MALRD1: variants seen among roughly 807,000 people sequenced by gnomAD.
MALRD1 encodes the protein MAM and LDL receptor class A domain containing 1, also known as MAM and LDL-receptor class A domain-containing protein 1.
MALRD1 carries 247 observed loss-of-function variants against 242.1 expected under a neutral mutation model. The observed-to-expected ratio is 1.02, with a 90% CI of 0.92 to 1.13. The LOEUF (loss-of-function observed/expected upper bound fraction) is 1.13. MALRD1 is among the 50% of genes most tolerant of loss of function. The pLI is 0.00. For synonymous variants in MALRD1, 995 were observed against 866.6 expected (o/e 1.15, Z -2.60); for missense variants, 2,989 against 2,533.1 (o/e 1.18, Z -3.86).
rs759213931 is a variant in MALRD1 at position 19,504,664 on chromosome 10, ATTTTTTTTTTTTTTTT to A, written c.5320+6032_5320+6047del. 4.0e-4 allele frequency among the ~76,000 whole-genome samples: 39 copies of A among 97,590 alleles called. No individual in the cohort carries two copies. In the East Asian group the frequency reaches 6.3e-3, roughly 16 times the overall value. 64.0% of individuals were successfully genotyped at this position (97,590 alleles called of 152,430 possible). A position where few individuals can be genotyped will look rare whatever the true frequency, so the allele number is the denominator to read the frequency against. On this transcript the variant is annotated intron_variant, in intron 31 of 39. Transcript: ENST00000454679. ...ACATATAATGACTATATTGTAACACATTTTTTTTTTTTTTTTTTTTTTTTTTTTTGAGACGGAGTCT... is the reference window on the plus strand; with the variant it reads ...ACATATAATGACTATATTGTAACACATTTTTTTTTTTTTGAGACGGAGTCT...
At position 19,088,212 on chromosome 10, in the gene MALRD1, G is replaced by T. The variant is rs1282628451; in HGVS notation, c.597+27G>T. On this transcript the variant is annotated intron_variant, in intron 4 of 39. Transcript: ENST00000454679. ...TATGTGTGTTCTATTTTCTAACTATGGCCTTGAAGAAAAATAAGATACAGA... is the reference window on the plus strand; with the variant it reads ...TATGTGTGTTCTATTTTCTAACTATTGCCTTGAAGAAAAATAAGATACAGA... 4.1e-6 allele frequency: 5 copies of T among 1,231,780 alleles called. No individual in the cohort carries two copies. In the African/African-American group the frequency reaches 7.8e-5, roughly 19 times the overall value. The allele number at this position is 1,231,780 out of a possible 1,614,324, so 76.3% of individuals were successfully genotyped here.
intron 26 of MALRD1, among the ~76,000 whole-genome samples, chr10:19,383,017 A>G (rs554947952): frequency 6.8e-4 from 103 of 152,310 alleles, no homozygotes; most frequent in Middle Eastern, 3.4e-3. Flanking sequence ...TACAGATACC[A>G]TGGACATTAA....
chr10:19,734,243 T>A lies in MALRD1; in HGVS notation c.*6T>A. The A allele has an allele frequency of 6.5e-7, 1 of 1,533,040 alleles. No homozygotes were observed. The highest frequency in any genetic ancestry group is 1.4e-5 in the African/African-American group (1 of 73,048). 95.0% of individuals were successfully genotyped at this position (1,533,040 alleles called of 1,614,324 possible). A position where few individuals can be genotyped will look rare whatever the true frequency, so the allele number is the denominator to read the frequency against. On this transcript the variant is annotated 3_prime_UTR_variant, in exon 40 of 40. Transcript: ENST00000454679. Reference sequence around the variant, plus strand: ...TGTCACATCATCTCAAATAGCAGCATCGAGACCAAGTCTGATCCAACATGT... The same window carrying A: ...TGTCACATCATCTCAAATAGCAGCAACGAGACCAAGTCTGATCCAACATGT...
At chr10:19,153,750 G>T (rs376296517) in intron 11 of MALRD1, among the ~76,000 whole-genome samples, 2 of 151,274 alleles carry the variant, frequency 1.3e-5, no homozygotes, top group African/African-American at 4.9e-5. Context: ...TACATATCTC[G>T]CTAGATTTTC....
At position 19,607,868 on chromosome 10, in the gene MALRD1, C is replaced by CTT; in HGVS notation, c.6036_6037insTT (p.Met2013LeufsTer16). ...AGCGCTGTGATGGTTTTGCCGACTG[C>CTT]ATGGATTTCCAGCTTGATGAGTCCA... is the stretch of plus-strand genomic sequence containing the variant. On this transcript the variant is annotated frameshift_variant, in exon 35 of 40. Transcript: ENST00000454679. LOFTEE classifies it high-confidence loss of function. 6.5e-7 allele frequency: 1 copy of CTT among 1,549,736 alleles called. No homozygotes were observed. The highest frequency in any genetic ancestry group is 8.7e-7 in the Non-Finnish European group (1 of 1,146,462).
At chr10:19,695,733 C>A (rs2131833541) in intron 38 of MALRD1, among the ~76,000 whole-genome samples, 1 of 152,062 alleles carries the variant, frequency 6.6e-6, no homozygotes, top group Non-Finnish European at 1.5e-5. Flanking sequence ...ACCATCTTGA[C>A]CAGGTTGGTC....
At chr10:19,435,327 C>T (rs985927656) in intron 28 of MALRD1, among the ~76,000 whole-genome samples, 1 of 151,948 alleles carries the variant, frequency 6.6e-6, no homozygotes, top group Non-Finnish European at 1.5e-5. Context: ...TAGAATAGTA[C>T]ATTTGTCACA....
intron 14 of MALRD1, among the ~76,000 whole-genome samples, chr10:19,188,796 G>A (rs1835847969): frequency 6.6e-6 from 1 of 152,148 alleles, no homozygotes; most frequent in Non-Finnish European, 1.5e-5. Flanking sequence ...GAGCAGTTGG[G>A]GAGTATTCCA....
chr10:19,197,018 C>T (rs192896560), intron 14 of MALRD1, among the ~76,000 whole-genome samples: 1 of 152,258 alleles, frequency 6.6e-6, no homozygotes, highest in East Asian at 1.9e-4. Context: ...ACTCACGGCT[C>T]TGCATGGCTT....
chr10:19,516,446 G>A (rs544819649), intron 31 of MALRD1, among the ~76,000 whole-genome samples: 7 of 152,020 alleles, frequency 4.6e-5, no homozygotes, highest in South Asian at 4.1e-4. Flanking sequence ...AATTTAAACC[G>A]TGTTTCAAGT....
chr10:19,110,994 T>C (rs1836658693), intron 5 of MALRD1, among the ~76,000 whole-genome samples: 1 of 152,168 alleles, frequency 6.6e-6, no homozygotes, highest in African/African-American at 2.4e-5. Flanking sequence ...ACACACATGC[T>C]TGGGTGATGC....
At chr10:19,631,531 A>T (rs1839905540) in intron 36 of MALRD1, among the ~76,000 whole-genome samples, 1 of 152,160 alleles carries the variant, frequency 6.6e-6, no homozygotes, top group Non-Finnish European at 1.5e-5. Context: ...TGCTGGATCC[A>T]ATGGTAGCTC....
At chr10:19,282,410 A>G (rs1024548575) in intron 20 of MALRD1, among the ~76,000 whole-genome samples, 7 of 152,184 alleles carry the variant, frequency 4.6e-5, no homozygotes, top group African/African-American at 1.7e-4. Context: ...ATTTCATTGA[A>G]TGAATATTTC....
chr10:19,503,050 G>C (rs897336544), intron 31 of MALRD1, among the ~76,000 whole-genome samples: 19 of 152,058 alleles, frequency 1.2e-4, no homozygotes, highest in African/African-American at 4.6e-4. Flanking sequence ...GTTGTCTGCA[G>C]ATTTAAAAAA....
rs186384711 is a variant in MALRD1 at position 19,242,605 on chromosome 10, G to A, written c.2992-15079G>A. ...TATATATCTGGTTGTTCTGGTGTTG[G>A]GTACGTATATAGTTACACCTAAGTA... On this transcript the variant is annotated intron_variant, in intron 18 of 39. Coordinates refer to ENST00000454679, the MANE Select transcript of MALRD1 (RefSeq NM_001142308.3). Among the ~76,000 whole-genome samples the A allele has an allele frequency of 1.3e-4, 20 of 151,944 alleles. No homozygotes were observed. The East Asian group carries it at 2.9e-3, about 22-fold the overall frequency.
chr10:19,230,402 G>T (rs1403088351), intron 18 of MALRD1, among the ~76,000 whole-genome samples: 3 of 152,142 alleles, frequency 2.0e-5, no homozygotes, highest in Admixed American at 6.5e-5. Context: ...GGGGCCTCAG[G>T]AAGCTTCCAA....
chr10:19,718,240 A>G (rs1462855217), intron 38 of MALRD1, among the ~76,000 whole-genome samples: 2 of 150,098 alleles, frequency 1.3e-5, no homozygotes, highest in African/African-American at 2.4e-5. Flanking sequence ...CAGCAGCAGC[A>G]GCAGCAATAC....
intron 33 of MALRD1, among the ~76,000 whole-genome samples, chr10:19,589,730 A>G (rs1837661685): frequency 6.6e-6 from 1 of 152,170 alleles, no homozygotes; most frequent in African/African-American, 2.4e-5. Context: ...CTTTCCCTCC[A>G]TCACAGTCAT....
intron 2 of MALRD1, among the ~76,000 whole-genome samples, chr10:19,069,383 T>C (rs1835073499): frequency 6.6e-6 from 1 of 152,064 alleles, no homozygotes; most frequent in Non-Finnish European, 1.5e-5. Context: ...AATCTTTATA[T>C]ATTATAAGCC....
Sources: allele counts gnomAD v4.1 joint callset (sites outside exome capture counted in the v4.1 genomes callset), GRCh38; gene constraint gnomAD v4.1.1; transcripts MANE v1.5; gene names NCBI Gene and HGNC (gene_info 2026-07-23, HGNC 2026-07-21).